The following SPEG variants were observed in gnomAD, a reference collection of about 807,000 sequenced individuals.
The protein encoded by SPEG is striated muscle enriched protein kinase, also known as striated muscle preferentially expressed protein kinase.
Under a neutral mutation model 300.4 loss-of-function variants are expected in SPEG, and 114 were observed. The ratio of observed to expected loss-of-function variants is 0.38; its 90% CI spans 0.33 to 0.44. The LOEUF (loss-of-function observed/expected upper bound fraction) is 0.44. Among genes scored for constraint, SPEG ranks in the 20% least tolerant of loss-of-function variants. The probability of loss-of-function intolerance (pLI) is 1.00; values close to 1 mark genes in which losing one functional copy is unlikely to be tolerated. For missense variants in SPEG, 4,201 were observed against 4,586.2 expected, an observed-to-expected ratio of 0.92 and a Z score of 2.43; for synonymous variants, 1,964 against 2,018.9, an observed-to-expected ratio of 0.97 and a Z score of 0.73.
intron 1 of SPEG, among the ~76,000 whole-genome samples, chr2:219,438,292 A>C (rs1954772223): frequency 6.6e-6 from 1 of 152,132 alleles, no homozygotes; most frequent in African/African-American, 2.4e-5. Context: ...TACTGTTATG[A>C]CCATTATTCA....
intron 1 of SPEG, among the ~76,000 whole-genome samples, chr2:219,438,814 G>T (rs773590659): frequency 2.4e-4 from 36 of 152,350 alleles, no homozygotes; most frequent in Non-Finnish European, 3.8e-4. Context: ...CCATCCTGGG[G>T]ACTCAAAGGC....
In SPEG at chr2:219,445,226, A is replaced by G; in HGVS notation, c.815+65A>G. The G allele has an allele frequency of 7.0e-7, 1 of 1,432,338 alleles. No homozygotes were observed. The highest frequency in any genetic ancestry group is 9.6e-7 in the Non-Finnish European group (1 of 1,041,058). The allele number at this position is 1,432,338 out of a possible 1,614,324, so 88.7% of individuals were successfully genotyped here. A position where few individuals can be genotyped will look rare whatever the true frequency, so the allele number is the denominator to read the frequency against. On this transcript the variant is annotated intron_variant, in intron 3 of 40. Coordinates refer to ENST00000312358, the MANE Select transcript of SPEG (RefSeq NM_005876.5). The surrounding 1 kb of genome is among the most constrained non-coding windows in gnomAD (Gnocchi z 6.1). Reference sequence around the variant, plus strand: ...CACCACGCTGTCCTGCGCTGCCCTCACTGCTCAGTCAGCCTCCACCCATCA... The same window carrying G: ...CACCACGCTGTCCTGCGCTGCCCTCGCTGCTCAGTCAGCCTCCACCCATCA...
At chr2:219,461,774 G>A in intron 6 of SPEG, 108 bp from the exon 7 acceptor site, 2 of 1,214,670 alleles carry the variant, frequency 1.6e-6, no homozygotes, top group Non-Finnish European at 2.4e-6. Flanking sequence ...GGCAGGGCCG[G>A]CCTGCGGGGA....
chr2:219,439,157 A>G lies in SPEG; in HGVS notation c.388+3792A>G, dbSNP rs73085282. ...GGCTAAAGACCTCTGGGGACAGAAT[A>G]TGGGTTAGGACAGAGAAGGGGGAAG... On this transcript the variant is annotated intron_variant, in intron 1 of 40. Coordinates refer to ENST00000312358, the MANE Select transcript of SPEG (RefSeq NM_005876.5). This position sits in a 1 kb window ranked among gnomAD's most constrained non-coding sequence, Gnocchi z 4.5. Among the ~76,000 whole-genome samples the G allele has an allele frequency of 0.079, 11,946 of 152,152 alleles. 695 individuals are homozygous for G. Among genetic ancestry groups the G allele is most frequent in the African/African-American group, 0.16 (6,755 of 41,496 alleles).
chr2:219,460,800 C>G, intron 6 of SPEG: 1 of 986,238 alleles, frequency 1.0e-6, no homozygotes, highest in South Asian at 4.7e-5. Context: ...GCGCCTTCCC[C>G]TCCCCCAGGG....
Position 219,448,728 on chromosome 2 carries a change from G to A in SPEG, c.1570G>A (p.Ala524Thr). Reference sequence around the variant, plus strand: ...GTCCCTGCGCGCCACGCTGCAGCGTGCCCCATCCCCTCGAGAGCCCGGCGA... The same window carrying A: ...GTCCCTGCGCGCCACGCTGCAGCGTACCCCATCCCCTCGAGAGCCCGGCGA... Reference protein sequence around the residue: ...HESLRATLQRAPSPREPGEPP... With the variant: ...HESLRATLQRTPSPREPGEPP... Residue 524 changes from alanine (A) to threonine (T), a missense_variant, in exon 4 of 41, where the codon GCC becomes ACC. Physicochemically the swap from Ala to Thr is moderately conservative, Grantham distance 58. This residue lies in a region of SPEG where 1,258 missense variants were observed against 1,293.9 expected (regional missense o/e 0.97). Transcript: ENST00000312358. 1 of 1,489,728 alleles carries A rather than the reference G, an allele frequency of 6.7e-7. No individual in the cohort carries two copies. Among genetic ancestry groups the A allele is most frequent in the Non-Finnish European group, 8.9e-7 (1 of 1,127,638 alleles). 92.3% of individuals were successfully genotyped at this position (1,489,728 alleles called of 1,614,324 possible).
rs1689134492 is a variant in SPEG at position 219,444,398 on chromosome 2, G to T, written c.389-255G>T. Among the ~76,000 whole-genome samples the T allele has an allele frequency of 6.6e-6, 1 of 151,984 alleles. No individual in the cohort carries two copies. Among genetic ancestry groups the T allele is most frequent in the Non-Finnish European group, 1.5e-5 (1 of 67,962 alleles). On this transcript the variant is annotated intron_variant, in intron 1 of 40. Transcript: ENST00000312358. The surrounding 1 kb of genome is among the most constrained non-coding windows in gnomAD (Gnocchi z 7.8). ...GATATTGGCAGGCGGGGAGGGGGTG[G>T]CAGTTTGGAGGGCCCTACGGAGGTA...
intron 1 of SPEG, chr2:219,441,970 C>A: frequency 2.9e-6 from 1 of 345,558 alleles, no homozygotes; most frequent in Non-Finnish European, 4.9e-6. Context: ...CCCCAGCTCG[C>A]CCCCGGCCCC....
intron 8 of SPEG, among the ~76,000 whole-genome samples, chr2:219,463,509 G>A (rs901074446): frequency 7.1e-6 from 1 of 140,716 alleles, no homozygotes; most frequent in Non-Finnish European, 1.5e-5. Flanking sequence ...CGCCTCCTGG[G>A]TTCAAGGGAT....
intron 37 of SPEG, 35 bp from the exon 38 acceptor site, chr2:219,490,698 G>C: frequency 1.2e-6 from 2 of 1,610,826 alleles, no homozygotes; most frequent in Non-Finnish European, 1.7e-6. Flanking sequence ...GGGAGGCTGG[G>C]CCGGGTATCA....
At position 219,468,857 on chromosome 2, in the gene SPEG, A is replaced by G; in HGVS notation, c.3302-2A>G. 6.2e-7 allele frequency: 1 copy of G among 1,610,726 alleles called. No homozygotes were observed. Among genetic ancestry groups the G allele is most frequent in the Non-Finnish European group, 8.5e-7 (1 of 1,177,960 alleles). On this transcript the variant is annotated splice_acceptor_variant, in intron 11 of 40. Transcript: ENST00000312358. LOFTEE classifies it high-confidence loss of function. ...CTGCATTCCCACCCCTCCTTTCTGCAGGCTGCCCCATGGAGGAGAGTGAGA... is the reference window on the plus strand; with the variant it reads ...CTGCATTCCCACCCCTCCTTTCTGCGGGCTGCCCCATGGAGGAGAGTGAGA...
chr2:219,483,534 G>A lies in SPEG; in HGVS notation c.6071G>A (p.Gly2024Glu). Residue 2024 changes from glycine (G) to glutamate (E), a missense_variant, in exon 30 of 41, where the codon GGG (glycine) becomes GAG (glutamate). Physicochemically the swap from Gly to Glu is moderately conservative, Grantham distance 98. This residue lies in a region of SPEG where 1,578 missense variants were observed against 1,506.0 expected (regional missense o/e 1.05). Transcript: ENST00000312358. ...SSAESALPRA[G>E]PRELGRGLHK... is the part of the protein sequence containing the mutation. Reference sequence around the variant, plus strand: ...GCTGAGAGCGCCCTGCCCCGGGCCGGGCCGCGGGAGCTGGGCCGGGGCCTG... The same window carrying A: ...GCTGAGAGCGCCCTGCCCCGGGCCGAGCCGCGGGAGCTGGGCCGGGGCCTG... 8.5e-6 allele frequency: 12 copies of A among 1,405,136 alleles called. No individual in the cohort carries two copies. The highest frequency in any genetic ancestry group is 1.1e-5 in the Non-Finnish European group (12 of 1,092,154). 87.0% of individuals were successfully genotyped at this position (1,405,136 alleles called of 1,614,324 possible). A position where few individuals can be genotyped will look rare whatever the true frequency, so the allele number is the denominator to read the frequency against.
rs1394608788 is a variant in SPEG at position 219,480,203 on chromosome 2, G to C, written c.5342+63G>C. 6.5e-7 allele frequency: 1 copy of C among 1,527,254 alleles called. No individual in the cohort carries two copies. The highest frequency in any genetic ancestry group is 1.4e-5 in the African/African-American group (1 of 73,320). 94.6% of individuals were successfully genotyped at this position (1,527,254 alleles called of 1,614,324 possible). On this transcript the variant is annotated intron_variant, in intron 25 of 40. Coordinates refer to ENST00000312358, the MANE Select transcript of SPEG (RefSeq NM_005876.5). This position sits in a 1 kb window ranked among gnomAD's most constrained non-coding sequence, Gnocchi z 5.3. ...CTGCCCTTGGGGCTGTGCTGGGGAC[G>C]CGCTCACTGGCAGGGAGATTTACCG...
chr2:219,470,998 T>A (rs556830636), intron 13 of SPEG, among the ~76,000 whole-genome samples: 1 of 152,080 alleles, frequency 6.6e-6, no homozygotes, highest in Non-Finnish European at 1.5e-5. Flanking sequence ...TCTGACAACG[T>A]CAGCCCTCTC....
rs771231340 is a variant in SPEG at position 219,484,601 on chromosome 2, A to C, written c.7138A>C (p.Thr2380Pro). 4 of 1,561,770 alleles carry C rather than the reference A, an allele frequency of 2.6e-6. No homozygotes were observed. The change falls in exon 30 of 41, where the codon ACC becomes CCC. Residue 2380 changes from threonine (T) to proline (P), a missense_variant. Around this residue, in one of 4 missense-constraint regions of SPEG, gnomAD observed 1,578 missense variants for 1,506.0 expected, o/e 1.05. Coordinates refer to ENST00000312358, the MANE Select transcript of SPEG (RefSeq NM_005876.5). ...DGIYRPSPAGTPLELVRRPER... is the reference protein window; with the variant it reads ...DGIYRPSPAGPPLELVRRPER... Reference sequence around the variant, plus strand: ...CATATACCGGCCCAGCCCGGCGGGGACCCCGCTGGAGCTGGTGCGACGGCC... The same window carrying C: ...CATATACCGGCCCAGCCCGGCGGGGCCCCCGCTGGAGCTGGTGCGACGGCC...
Position 219,479,189 on chromosome 2 carries a change from G to A in SPEG, c.5073G>A (p.Val1691=). 1.2e-6 allele frequency: 2 copies of A among 1,613,642 alleles called. No individual in the cohort carries two copies. Among genetic ancestry groups the A allele is most frequent in the South Asian group, 1.1e-5 (1 of 91,076 alleles). The change falls in exon 23 of 41, where the codon GTG becomes GTA. Residue 1691 remains valine (V), a synonymous_variant. Coordinates refer to ENST00000312358, the MANE Select transcript of SPEG (RefSeq NM_005876.5). The surrounding 1 kb of genome is among the most constrained non-coding windows in gnomAD (Gnocchi z 5.5). ...AGCGAATCGCCAGGAAACCCACCGT[G>A]TGTGAGTCTGAGGTGAGGGCAGTGG... is the stretch of plus-strand genomic sequence containing the variant. ...LLERIARKPT[V]CESEIRAYMR... is the part of the protein sequence containing the mutation.
rs780645894 is a variant in SPEG, at chr2:219,483,117, A to G, written c.5654A>G (p.Lys1885Arg). 3.1e-6 allele frequency: 5 copies of G among 1,607,816 alleles called. No individual in the cohort carries two copies. Among genetic ancestry groups the G allele is most frequent in the Non-Finnish European group, 4.2e-6 (5 of 1,179,308 alleles). ...CTCCAGCGCTCCCAGATCAGCTACA[A>G]ATGCCACCTGGTGCTGCGCCCCATC... The part of the protein sequence containing the change: ...RRWQRSQISY[K>R]CHLVLRPIPE... The change falls in exon 30 of 41, where the codon AAA (lysine) becomes AGA (arginine). Residue 1885 changes from lysine (K) to arginine (R), a missense_variant. Lys to Arg is a conservative substitution (Grantham distance 26). Around this residue, in one of 4 missense-constraint regions of SPEG, gnomAD observed 1,578 missense variants for 1,506.0 expected, o/e 1.05. Coordinates refer to ENST00000312358, the MANE Select transcript of SPEG (RefSeq NM_005876.5).
In SPEG at chr2:219,438,128, G is replaced by A. The variant is rs13419208; in HGVS notation, c.388+2763G>A. ...GGAAAATTTGGAGGATGGGAAACTG[G>A]GGGTGGTGGTGCTGAGATTTGGGGG... is the stretch of plus-strand genomic sequence containing the variant. On this transcript the variant is annotated intron_variant, in intron 1 of 40. Coordinates refer to ENST00000312358, the MANE Select transcript of SPEG (RefSeq NM_005876.5). Among the ~76,000 whole-genome samples the A allele has an allele frequency of 2.1e-3, 317 of 152,240 alleles. 2 individuals are homozygous for A. Among genetic ancestry groups the A allele is most frequent in the African/African-American group, 7.4e-3 (306 of 41,536 alleles).
chr2:219,451,617 C>G lies in SPEG; in HGVS notation c.2258-8C>G. 6.5e-7 allele frequency: 1 copy of G among 1,536,708 alleles called. No individual in the cohort carries two copies. ...CGTGGCGAGCCGGGTCCCTGTGCCTCCCCACAGTGTCCTGGCACAAGGATG... is the reference window on the plus strand; with the variant it reads ...CGTGGCGAGCCGGGTCCCTGTGCCTGCCCACAGTGTCCTGGCACAAGGATG... On this transcript the variant is annotated splice_polypyrimidine_tract_variant and splice_region_variant and intron_variant, in intron 5 of 40. Transcript: ENST00000312358. The surrounding 1 kb of genome is among the most constrained non-coding windows in gnomAD (Gnocchi z 6.4).
Sources: allele counts gnomAD v4.1 joint callset (sites outside exome capture counted in the v4.1 genomes callset), GRCh38; gene constraint gnomAD v4.1.1; regional missense constraint gnomAD v4.1.1; non-coding constraint Gnocchi (gnomAD v3.1); transcripts MANE v1.5; gene names NCBI Gene and HGNC (gene_info 2026-07-23, HGNC 2026-07-21).